SNX6: variants seen among roughly 807,000 people sequenced by gnomAD.
SNX6 encodes the protein sorting nexin 6.
Under a neutral mutation model 63.0 loss-of-function variants are expected in SNX6, and 34 were observed. The observed-to-expected ratio is 0.54, with a 90% CI of 0.41 to 0.72. The LOEUF (loss-of-function observed/expected upper bound fraction) is 0.72, where lower values mean the gene tolerates loss of function less well. Among genes scored for constraint, SNX6 ranks in the 30% least tolerant of loss-of-function variants. The pLI is 0.00. For synonymous variants in SNX6, 170 were observed against 164.2 expected, an observed-to-expected ratio of 1.04 and a Z score of -0.27; for missense variants, 398 against 471.4, an observed-to-expected ratio of 0.84 and a Z score of 1.44.
intron 8 of SNX6, among the ~76,000 whole-genome samples, chr14:34,588,846 T>C (rs1882277727): frequency 6.6e-6 from 1 of 152,042 alleles, no homozygotes; most frequent in Non-Finnish European, 1.5e-5. Context: ...TATAAAGATT[T>C]TAGGGCTGAG....
intron 7 of SNX6, 107 bp from the exon 8 acceptor site, chr14:34,593,257 C>T (rs1351690681): frequency 9.1e-6 from 6 of 656,700 alleles, no homozygotes; most frequent in Non-Finnish European, 1.5e-5. Flanking sequence ...AATAGCATAC[C>T]TATCCTCAGT....
At chr14:34,584,760 T>TAGAG (rs201601969) in intron 9 of SNX6, among the ~76,000 whole-genome samples, 17 of 143,186 alleles carry the variant, frequency 1.2e-4, no homozygotes, top group African/African-American at 5.1e-4. Flanking sequence ...AAAAAATATA[T>TAGAG]ATAGAGAGAG....
chr14:34,597,781 A>T (rs1342613744), intron 6 of SNX6, 136 bp from the exon 7 acceptor site: 1 of 584,324 alleles, frequency 1.7e-6, no homozygotes, highest in East Asian at 2.9e-5. Flanking sequence ...CATCATGCAC[A>T]TCAATGATTT....
chr14:34,622,480 C>A (rs968102926), intron 2 of SNX6, among the ~76,000 whole-genome samples: 1 of 149,596 alleles, frequency 6.7e-6, no homozygotes, highest in Admixed American at 6.7e-5. Context: ...CTACTCGGGA[C>A]GCTGAGGCAG....
chr14:34,586,901 G>A (rs1395535224), intron 8 of SNX6, among the ~76,000 whole-genome samples: 10 of 148,348 alleles, frequency 6.7e-5, no homozygotes, highest in Non-Finnish European at 1.0e-4. Flanking sequence ...CCCAGCTACT[G>A]GAAAGGCTGA....
chr14:34,605,965 G>C (rs553501105), intron 4 of SNX6, among the ~76,000 whole-genome samples: 354 of 151,974 alleles, frequency 2.3e-3, no homozygotes, highest in African/African-American at 6.4e-3. Flanking sequence ...CCTGAGGTCA[G>C]GAGTTCAAGA....
chr14:34,615,953 C>T (rs914432853), intron 2 of SNX6, among the ~76,000 whole-genome samples: 5 of 151,950 alleles, frequency 3.3e-5, no homozygotes, highest in African/African-American at 1.2e-4. Context: ...ATAGGAATGT[C>T]CTTTTTTATT....
rs928253619 is a variant in SNX6, at chr14:34,601,008, T to C, written c.516+2340A>G. 4.9e-4 allele frequency among the ~76,000 whole-genome samples: 73 copies of C among 148,926 alleles called. 1 individual carries two copies. The highest frequency in any genetic ancestry group is 2.1e-4 in the Non-Finnish European group (14 of 67,562). On this transcript the variant is annotated intron_variant, in intron 6 of 13. Coordinates refer to ENST00000362031, the MANE Select transcript of SNX6 (RefSeq NM_152233.4). ...ACTCCAGCCTGGGCGACAGAGACTCTGCCTCAAAAAAAAAAAAAGAGAGTT... is the reference window on the plus strand; with the variant it reads ...ACTCCAGCCTGGGCGACAGAGACTCCGCCTCAAAAAAAAAAAAAGAGAGTT...
At chr14:34,629,697 C>A (rs1000786280) in intron 2 of SNX6, 2 of 811,146 alleles carry the variant, frequency 2.5e-6, no homozygotes, top group African/African-American at 1.7e-5. Context: ...GACAAGAAAG[C>A]GGCCGCGGGT....
intron 2 of SNX6, among the ~76,000 whole-genome samples, chr14:34,617,071 G>C (rs1464414235): frequency 6.6e-6 from 1 of 152,138 alleles, no homozygotes; most frequent in East Asian, 1.9e-4. Context: ...AAGAGAGCAA[G>C]ACTGTCTCGG....
At chr14:34,564,070 C>G (rs992141028) in intron 13 of SNX6, among the ~76,000 whole-genome samples, 6 of 152,234 alleles carry the variant, frequency 3.9e-5, no homozygotes, top group African/African-American at 1.2e-4. Flanking sequence ...CTTTGTCACC[C>G]AGACTAAAGT....
rs138142383 is a variant in SNX6 at position 34,607,053 on chromosome 14, C to T, written c.270+977G>A. On this transcript the variant is annotated intron_variant, in intron 4 of 13. Transcript: ENST00000362031. Reference sequence around the variant, plus strand: ...TCGGCCTCCCAAAGTGCTGGGATTACAGGCATGAGCTACCGTGCCCAGCCC... The same window carrying T: ...TCGGCCTCCCAAAGTGCTGGGATTATAGGCATGAGCTACCGTGCCCAGCCC... Among the ~76,000 whole-genome samples, 12 of 151,960 alleles carry T rather than the reference C, an allele frequency of 7.9e-5. No individual in the cohort carries two copies. In the East Asian group the frequency reaches 2.2e-3, roughly 27 times the overall value.
chr14:34,599,098 C>A (rs1469650062), intron 6 of SNX6, among the ~76,000 whole-genome samples: 2 of 152,200 alleles, frequency 1.3e-5, no homozygotes, highest in African/African-American at 4.8e-5. Flanking sequence ...TGATCTTGGG[C>A]TTCCCATTCT....
chr14:34,620,168 T>A (rs1883570156), intron 2 of SNX6, among the ~76,000 whole-genome samples: 1 of 152,202 alleles, frequency 6.6e-6, no homozygotes. Flanking sequence ...TCTGCTCAGC[T>A]CCTCTTTTGA....
intron 8 of SNX6, among the ~76,000 whole-genome samples, chr14:34,587,617 AAAAC>A (rs1041843598): frequency 5.2e-4 from 78 of 151,450 alleles, no homozygotes; most frequent in Non-Finnish European, 8.7e-4. Context: ...ACTCCATCTC[AAAAC>A]AAACAAACAA....
chr14:34,576,476 T>C (rs1159001907), intron 10 of SNX6, among the ~76,000 whole-genome samples: 1 of 148,810 alleles, frequency 6.7e-6, no homozygotes, highest in Non-Finnish European at 1.5e-5. Flanking sequence ...TGAGACAGAG[T>C]CTTACTCTGT....
chr14:34,613,670 G>C (rs1230196806), intron 2 of SNX6, among the ~76,000 whole-genome samples: 1 of 151,834 alleles, frequency 6.6e-6, no homozygotes, highest in Admixed American at 6.6e-5. Flanking sequence ...GCGGGTGACT[G>C]AAGTCCCAGC....
intron 6 of SNX6, 60 bp downstream of exon 6, chr14:34,603,288 A>G: frequency 6.6e-7 from 1 of 1,525,580 alleles, no homozygotes. Context: ...TCCGTCTCAA[A>G]AAAAAAAAGA....
intron 13 of SNX6, among the ~76,000 whole-genome samples, chr14:34,564,486 T>C (rs1881079576): frequency 6.6e-6 from 1 of 152,104 alleles, no homozygotes; most frequent in South Asian, 2.1e-4. Context: ...ATAGAACAGT[T>C]ATCAGAAATC....
Sources: gnomAD v4.1 joint callset for allele counts (sites outside exome capture counted in the v4.1 genomes callset) on GRCh38, gnomAD v4.1.1 for gene constraint, MANE v1.5 for transcripts, NCBI Gene and HGNC (gene_info 2026-07-23, HGNC 2026-07-21) for gene names.